The following NAV2 variants were observed in gnomAD, a reference collection of about 807,000 sequenced individuals.
NAV2 encodes the protein neuron navigator 2, also known as helicase, APC down-regulated 1.
A neutral mutation model predicts 223.2 loss-of-function variants in NAV2; 54 were observed. The ratio of observed to expected loss-of-function variants is 0.24; its 90% CI spans 0.19 to 0.30. The LOEUF (loss-of-function observed/expected upper bound fraction) is 0.30, where lower values mean the gene tolerates loss of function less well. Ranked by LOEUF, NAV2 falls within the 10% of genes least tolerant of loss-of-function variation. The probability of loss-of-function intolerance (pLI) is 1.00; values close to 1 mark genes in which losing one functional copy is unlikely to be tolerated. For synonymous variants in NAV2, 1,279 were observed against 1,239.3 expected (o/e 1.03, Z -0.67); for missense variants, 2,806 against 3,147.5 (o/e 0.89, Z 2.60).
intron 1 of NAV2, among the ~76,000 whole-genome samples, chr11:19,755,412 G>A (rs1369340767): frequency 6.6e-6 from 1 of 152,180 alleles, no homozygotes; most frequent in African/African-American, 2.4e-5. Flanking sequence ...AGACATGTAG[G>A]TTGTGACCTG....
intron 1 of NAV2, among the ~76,000 whole-genome samples, chr11:19,667,274 C>T (rs559615811): frequency 2.1e-4 from 32 of 152,222 alleles, no homozygotes; most frequent in Middle Eastern, 3.2e-3. Context: ...TGCTAGATCC[C>T]GTTGTAGACT....
intron 1 of NAV2, among the ~76,000 whole-genome samples, chr11:19,409,048 C>T (rs1850029398): frequency 6.6e-6 from 1 of 152,114 alleles, no homozygotes; most frequent in Non-Finnish European, 1.5e-5. Flanking sequence ...GGCAAAGTGA[C>T]TCCAATTACG....
Position 20,054,179 on chromosome 11 carries a change from C to G in NAV2, c.4581C>G (p.Pro1527=). ...TTCAGGACACCGCTGCCAATTCCCC[C>G]TTTTCCTCTGGCTCCAGCGTGACTT... ...GGLQDTAANS[P]FSSGSSVTSP... is the part of the protein sequence containing the mutation. Residue 1527 remains proline (P), a synonymous_variant, in exon 18 of 38, where the codon CCC becomes CCG. Coordinates refer to ENST00000349880, the MANE Select transcript of NAV2 (RefSeq NM_145117.5). 1 of 1,613,632 alleles carries G rather than the reference C, an allele frequency of 6.2e-7. No homozygotes were observed. The highest frequency in any genetic ancestry group is 8.5e-7 in the Non-Finnish European group (1 of 1,179,930).
intron 1 of NAV2, among the ~76,000 whole-genome samples, chr11:19,769,334 G>A (rs972283092): frequency 6.6e-6 from 1 of 152,230 alleles, no homozygotes; most frequent in Admixed American, 6.5e-5. Flanking sequence ...CCAATGCAAT[G>A]TCATGGACCT....
chr11:19,819,610 G>A (rs2152843011), intron 1 of NAV2, among the ~76,000 whole-genome samples: 1 of 152,294 alleles, frequency 6.6e-6, no homozygotes, highest in East Asian at 1.9e-4. Context: ...TGGTGTGAGG[G>A]ATGCCACCAG....
At position 19,998,594 on chromosome 11, in the gene NAV2, A is replaced by G. The variant is rs2052193284; in HGVS notation, c.2768+14347A>G. On this transcript the variant is annotated intron_variant, in intron 11 of 37. Coordinates refer to ENST00000349880, the MANE Select transcript of NAV2 (RefSeq NM_145117.5). The surrounding 1 kb of genome is among the most constrained non-coding windows in gnomAD (Gnocchi z 5.0). ...CTGCGCACCTCTCCAGCCTCACCTC[A>G]TCACGCTTTACCTCCCTGACTCCTG... is the stretch of plus-strand genomic sequence containing the variant. 6.6e-6 allele frequency among the ~76,000 whole-genome samples: 1 copy of G among 151,886 alleles called. No individual in the cohort carries two copies. Among genetic ancestry groups the G allele is most frequent in the Non-Finnish European group, 1.5e-5 (1 of 67,998 alleles).
intron 1 of NAV2, among the ~76,000 whole-genome samples, chr11:19,375,615 T>A (rs1233429069): frequency 6.6e-6 from 1 of 152,228 alleles, no homozygotes; most frequent in Non-Finnish European, 1.5e-5. Flanking sequence ...ACAGTCCCTG[T>A]GCCTAAATCA....
At chr11:19,384,757 C>T (rs1002616270) in intron 1 of NAV2, 5 of 152,210 alleles carry the variant, frequency 3.3e-5, no homozygotes, top group Non-Finnish European at 5.9e-5. Flanking sequence ...CTTCATACAA[C>T]AAGGCATCTG....
rs2057204305 is a variant in NAV2 at position 20,043,987 on chromosome 11, G to A, written c.2914G>A (p.Ala972Thr). 6.2e-7 allele frequency: 1 copy of A among 1,613,526 alleles called. No individual in the cohort carries two copies. The highest frequency in any genetic ancestry group is 1.3e-5 in the African/African-American group (1 of 74,926). ...SRKNLDVQTD[A>T]EKHSQVERNS... The stretch of plus-strand genomic sequence containing the variant: ...AGAGAGTCTCTGTCCACAGACTGAT[G>A]CTGAGAAGCACTCACAGGTGGAGAG... Residue 972 changes from alanine to threonine, a missense_variant, in exon 13 of 38, where the codon GCT becomes ACT. Physicochemically the swap from Ala to Thr is moderately conservative, Grantham distance 58. This residue lies in a region of NAV2 where 73 missense variants were observed against 119.7 expected (regional missense o/e 0.61). Transcript: ENST00000349880.
At chr11:19,811,256 T>C (rs1424580702) in intron 1 of NAV2, among the ~76,000 whole-genome samples, 3 of 152,162 alleles carry the variant, frequency 2.0e-5, no homozygotes, top group Admixed American at 6.5e-5. Flanking sequence ...GCTTTGCATG[T>C]CATGGGCTCT....
chr11:19,374,358 C>T (rs1393876942), intron 1 of NAV2, among the ~76,000 whole-genome samples: 1 of 140,582 alleles, frequency 7.1e-6, no homozygotes, highest in African/African-American at 2.7e-5. Flanking sequence ...AATGACTCAC[C>T]ATGTAACTGT....
chr11:19,823,763 C>A (rs1452211225), intron 1 of NAV2, among the ~76,000 whole-genome samples: 2 of 152,002 alleles, frequency 1.3e-5, no homozygotes, highest in Non-Finnish European at 2.9e-5. Flanking sequence ...GGGGCCGGGG[C>A]CTGTCGGGGA....
chr11:19,990,234 T>C (rs10766616), intron 11 of NAV2, among the ~76,000 whole-genome samples: 105,974 of 152,072 alleles, frequency 0.7, 37,870 homozygotes, highest in Middle Eastern at 0.81. Context: ...GATGCCCATT[T>C]GTGAATTCTG....
At chr11:19,937,965 C>T (rs2046057501) in intron 7 of NAV2, among the ~76,000 whole-genome samples, 1 of 152,164 alleles carries the variant, frequency 6.6e-6, no homozygotes, top group Non-Finnish European at 1.5e-5. Context: ...GAAAAGATGA[C>T]ATGGAAGCTG....
intron 4 of NAV2, among the ~76,000 whole-genome samples, chr11:19,873,478 C>A (rs2062654082): frequency 6.6e-6 from 1 of 152,084 alleles, no homozygotes; most frequent in South Asian, 2.1e-4. Context: ...GGAAACCTTG[C>A]AGACATTGGA....
chr11:19,809,324 G>A (rs1323300857), intron 1 of NAV2, among the ~76,000 whole-genome samples: 2 of 152,174 alleles, frequency 1.3e-5, no homozygotes, highest in Non-Finnish European at 2.9e-5. Context: ...CTAGCATTCT[G>A]CCCTTGAAAT....
intron 10 of NAV2, among the ~76,000 whole-genome samples, chr11:19,964,889 G>C (rs1006794823): frequency 7.7e-6 from 1 of 129,140 alleles, no homozygotes; most frequent in Admixed American, 9.4e-5. Context: ...GCACGATCTC[G>C]GCTCACCACA....
intron 1 of NAV2, among the ~76,000 whole-genome samples, chr11:19,760,753 G>T (rs1163562802): frequency 6.6e-6 from 1 of 152,162 alleles, no homozygotes; most frequent in African/African-American, 2.4e-5. Context: ...GGGTTAAAAA[G>T]AACCAGTTAT....
rs59249256 is a variant in NAV2 at position 19,858,617 on chromosome 11, C to T, written c.439-10308C>T. Among the ~76,000 whole-genome samples, 413 of 152,274 alleles carry T rather than the reference C, an allele frequency of 2.7e-3. 1 individual carries two copies. Among genetic ancestry groups the T allele is most frequent in the African/African-American group, 9.4e-3 (390 of 41,542 alleles). On this transcript the variant is annotated intron_variant, in intron 3 of 37. Transcript: ENST00000349880. ...GTTCTATTTTTAATATTTTGAGGAACTTCCATACTGTTTTTCATAATGGAC... is the reference window on the plus strand; with the variant it reads ...GTTCTATTTTTAATATTTTGAGGAATTTCCATACTGTTTTTCATAATGGAC...
Sources: allele counts gnomAD v4.1 joint callset (sites outside exome capture counted in the v4.1 genomes callset), GRCh38; gene constraint gnomAD v4.1.1; regional missense constraint gnomAD v4.1.1; non-coding constraint Gnocchi (gnomAD v3.1); transcripts MANE v1.5; gene names NCBI Gene and HGNC (gene_info 2026-07-23, HGNC 2026-07-21).